TANK: variants seen among roughly 807,000 people sequenced by gnomAD.
The protein encoded by TANK is TRAF family member associated NFKB activator, also known as TRAF family member-associated NF-kappa-B activator.
TANK carries 15 observed loss-of-function variants against 43.6 expected under a neutral mutation model. That is an observed-to-expected ratio of 0.34 (90% confidence interval 0.23 to 0.53). The LOEUF is 0.53. Among genes scored for constraint, TANK ranks in the 20% least tolerant of loss-of-function variants. TANK has a pLI of 0.94. For missense variants in TANK, 417 were observed against 498.6 expected (o/e 0.84, Z 1.56); for synonymous variants, 162 against 178.2 (o/e 0.91, Z 0.73).
chr2:161,214,806 A>G (rs1163480659), intron 4 of TANK, among the ~76,000 whole-genome samples: 2 of 152,138 alleles, frequency 1.3e-5, no homozygotes, highest in Non-Finnish European at 2.9e-5. Context: ...GAGAAAAAGG[A>G]CTTTATTATT....
intron 1 of TANK, chr2:161,139,764 A>G (rs898869101): frequency 1.0e-6 from 1 of 985,306 alleles, no homozygotes; most frequent in Admixed American, 6.2e-5. Context: ...AAACAATGTG[A>G]CATAAGCCAA....
At chr2:161,148,333 T>C (rs1345512882) in intron 1 of TANK, among the ~76,000 whole-genome samples, 2 of 145,236 alleles carry the variant, frequency 1.4e-5, no homozygotes, top group Non-Finnish European at 3.1e-5. Context: ...CCTCTTTAGA[T>C]AAATGTCTAT....
chr2:161,140,427 T>C (rs1485844823), intron 1 of TANK, among the ~76,000 whole-genome samples: 1 of 151,630 alleles, frequency 6.6e-6, no homozygotes, highest in African/African-American at 2.4e-5. Flanking sequence ...ATCATCTCCA[T>C]AACTATGTGG....
At chr2:161,142,175 T>C (rs1282487295) in intron 1 of TANK, among the ~76,000 whole-genome samples, 2 of 152,144 alleles carry the variant, frequency 1.3e-5, no homozygotes, top group Non-Finnish European at 2.9e-5. Flanking sequence ...TTGATGGGGT[T>C]GTTTTTTTCT....
At chr2:161,204,842 A>AT (rs1686577206) in intron 4 of TANK, 49 bp downstream of exon 4, 1 of 1,585,374 alleles carries the variant, frequency 6.3e-7, no homozygotes. Flanking sequence ...GATGCGTGAC[A>AT]TAGCTTCCTC....
intron 1 of TANK, 163 bp downstream of exon 1, chr2:161,160,649 T>C (rs1684375779): frequency 1.8e-6 from 1 of 566,050 alleles, no homozygotes. Flanking sequence ...GGAGGGATTT[T>C]GTGCGGGAGA....
intron 1 of TANK, among the ~76,000 whole-genome samples, chr2:161,151,483 T>C (rs1684079485): frequency 6.6e-6 from 1 of 152,186 alleles, no homozygotes; most frequent in Non-Finnish European, 1.5e-5. Flanking sequence ...AATTGCTATA[T>C]CTTCTTGATG....
rs1686668161 is a variant in TANK at position 161,206,661 on chromosome 2, AGAAACCAT to A, written c.327+1870_327+1877del. Among the ~76,000 whole-genome samples, 4 of 152,260 alleles carry A rather than the reference AGAAACCAT, an allele frequency of 2.6e-5. No homozygotes were observed. The South Asian group carries it at 8.3e-4, about 31-fold the overall frequency. Reference sequence around the variant, plus strand: ...TTTATCTAAAAATGCTGATAAACACAGAAACCATGGCAATGAAATATACTAGGTTTATT... The same window carrying A: ...TTTATCTAAAAATGCTGATAAACACAGGCAATGAAATATACTAGGTTTATT... On this transcript the variant is annotated intron_variant, in intron 4 of 7. Transcript: ENST00000392749.
chr2:161,195,186 G>A (rs1686090436), intron 2 of TANK, among the ~76,000 whole-genome samples: 1 of 152,086 alleles, frequency 6.6e-6, no homozygotes, highest in African/African-American at 2.4e-5. Flanking sequence ...AAAATATATT[G>A]AGCAGCTACT....
At chr2:161,214,267 T>C (rs182542208) in intron 4 of TANK, among the ~76,000 whole-genome samples, 1 of 152,316 alleles carries the variant, frequency 6.6e-6, no homozygotes, top group East Asian at 1.9e-4. Flanking sequence ...GTGTCAGTCA[T>C]TCTTTCAAGC....
At chr2:161,197,765 T>C (rs1686220761) in intron 2 of TANK, among the ~76,000 whole-genome samples, 1 of 152,120 alleles carries the variant, frequency 6.6e-6, no homozygotes, top group Admixed American at 6.5e-5. Flanking sequence ...TTAATCTTAT[T>C]CATGTGGGAG....
At chr2:161,216,822 A>G (rs376258154) in intron 4 of TANK, among the ~76,000 whole-genome samples, 34 of 152,220 alleles carry the variant, frequency 2.2e-4, no homozygotes, top group African/African-American at 7.2e-4. Flanking sequence ...AAGAGCCACA[A>G]TTATTCTAGG....
chr2:161,164,501 A>G (rs1319860980), intron 1 of TANK, among the ~76,000 whole-genome samples: 1 of 152,196 alleles, frequency 6.6e-6, no homozygotes, highest in East Asian at 1.9e-4. Flanking sequence ...CGGAACCAAG[A>G]TTATGATTAT....
intron 4 of TANK, among the ~76,000 whole-genome samples, chr2:161,214,728 A>G (rs115486920): frequency 6.6e-6 from 1 of 152,300 alleles, no homozygotes; most frequent in African/African-American, 2.4e-5. Context: ...ATTTTATTCT[A>G]CTTACAAGCT....
At chr2:161,184,350 C>T (rs1685560600) in intron 2 of TANK, among the ~76,000 whole-genome samples, 1 of 152,110 alleles carries the variant, frequency 6.6e-6, no homozygotes, top group Admixed American at 6.6e-5. Flanking sequence ...CTATTTCATA[C>T]TAAGCAATGT....
chr2:161,235,440 A>G lies in TANK; in HGVS notation c.1200A>G (p.Gln400=). The change falls in exon 8 of 8, where the codon CAA becomes CAG. Residue 400 remains glutamine, a synonymous_variant. Transcript: ENST00000392749. ...TACCTCGAGTATGTGAATTCTGTCA[A>G]GCAGTTTTCCCACCATCCATTACAT... ...LHIPRVCEFC[Q]AVFPPSITSR... 6.2e-7 allele frequency: 1 copy of G among 1,614,094 alleles called. No individual in the cohort carries two copies. Among genetic ancestry groups the G allele is most frequent in the South Asian group, 1.1e-5 (1 of 91,074 alleles).
At chr2:161,144,453 TTCC>T (rs1307035064) in intron 1 of TANK, among the ~76,000 whole-genome samples, 1 of 152,224 alleles carries the variant, frequency 6.6e-6, no homozygotes, top group East Asian at 1.9e-4. Context: ...TGCTATAAAC[TTCC>T]CTCTTAACAC....
chr2:161,195,108 T>G (rs1343441658), intron 2 of TANK, among the ~76,000 whole-genome samples: 1 of 152,210 alleles, frequency 6.6e-6, no homozygotes, highest in Admixed American at 6.5e-5. Context: ...GTGTTAAAAC[T>G]TTTAGTCAGG....
intron 2 of TANK, among the ~76,000 whole-genome samples, chr2:161,184,304 A>G (rs1685558743): frequency 6.6e-6 from 1 of 152,184 alleles, no homozygotes; most frequent in South Asian, 2.1e-4. Flanking sequence ...ATACAGAACA[A>G]TGTGAAATTG....
Sources: allele counts gnomAD v4.1 joint callset (sites outside exome capture counted in the v4.1 genomes callset), GRCh38; gene constraint gnomAD v4.1.1; transcripts MANE v1.5; gene names NCBI Gene and HGNC (gene_info 2026-07-23, HGNC 2026-07-21).